The following ANKRD36C variants were observed in gnomAD, a reference collection of about 807,000 sequenced individuals.
ANKRD36C encodes ankyrin repeat domain-containing protein 36C.
Under a neutral mutation model 276.4 loss-of-function variants are expected in ANKRD36C, and 61 were observed. That is an observed-to-expected ratio of 0.22 (90% CI 0.18 to 0.27). The LOEUF is 0.27. ANKRD36C is among the 10% of genes least tolerant of loss of function. ANKRD36C has a pLI of 1.00. For synonymous variants in ANKRD36C, 483 were observed against 680.1 expected (o/e 0.71, Z 4.51); for missense variants, 1,447 against 2,032.3 (o/e 0.71, Z 5.54).
chr2:95,861,688 C>G (rs2442205), intron 60 of ANKRD36C, among the ~76,000 whole-genome samples: 5 of 151,942 alleles, frequency 3.3e-5, no homozygotes, highest in Admixed American at 6.6e-5. Context: ...AAGGGGAACA[C>G]AGAACAGTTG....
At chr2:95,989,130 G>A (rs1372000723) in intron 1 of ANKRD36C, among the ~76,000 whole-genome samples, 1 of 152,134 alleles carries the variant, frequency 6.6e-6, no homozygotes, top group Non-Finnish European at 1.5e-5. Flanking sequence ...TCATGCCACT[G>A]CACTCCAGGC....
chr2:95,902,138 G>A (rs1324018887), intron 42 of ANKRD36C, among the ~76,000 whole-genome samples: 64 of 148,622 alleles, frequency 4.3e-4, no homozygotes, highest in African/African-American at 1.3e-3. Flanking sequence ...TCCTTGAACA[G>A]GGAAGCAAAT....
At chr2:95,971,008 T>G (rs1232185576) in intron 6 of ANKRD36C, among the ~76,000 whole-genome samples, 1 of 152,046 alleles carries the variant, frequency 6.6e-6, no homozygotes, top group African/African-American at 2.4e-5. Context: ...AAATCCTACA[T>G]TAATAAACTA....
At position 95,902,650 on chromosome 2, in the gene ANKRD36C, G is replaced by C. The variant is rs571988995; in HGVS notation, c.2654-3314C>G. The stretch of plus-strand genomic sequence containing the variant: ...CCCAGAGCCCCTTATGCCTTGAACT[G>C]CTCTCCATATTTCTTCTTCCCAATT... On this transcript the variant is annotated intron_variant, in intron 42 of 66. Coordinates refer to ENST00000456556, the Ensembl canonical transcript of ANKRD36C. Among the ~76,000 whole-genome samples the C allele has an allele frequency of 7.8e-4, 117 of 150,188 alleles. 1 individual carries two copies. Among genetic ancestry groups the C allele is most frequent in the South Asian group, 3.1e-3 (15 of 4,772 alleles).
intron 64 of ANKRD36C, chr2:95,852,695 T>C (rs1268949187): frequency 6.6e-6 from 1 of 152,528 alleles, no homozygotes; most frequent in African/African-American, 2.4e-5. Context: ...TTATTTTTTG[T>C]ATGTATGCAT....
chr2:95,910,676 C>G, intron 42 of ANKRD36C, 108 bp from the exon 45 acceptor site: 7 of 1,567,308 alleles, frequency 4.5e-6, no homozygotes, highest in Non-Finnish European at 5.2e-6. Flanking sequence ...TGTATTAGCG[C>G]AGGCTTTGAT....
intron 6 of ANKRD36C, among the ~76,000 whole-genome samples, chr2:95,970,639 G>A (rs2104520551): frequency 6.6e-6 from 1 of 152,262 alleles, no homozygotes; most frequent in East Asian, 1.9e-4. Context: ...CATTTTTCAT[G>A]ATGGAGAACC....
rs543146167 is a variant in ANKRD36C at position 95,893,759 on chromosome 2, G to A, written c.2756-1899C>T. 4.2e-5 allele frequency: 68 copies of A among 1,603,664 alleles called. 1 individual carries two copies. Among genetic ancestry groups the A allele is most frequent in the Non-Finnish European group, 5.6e-5 (66 of 1,176,882 alleles). The stretch of plus-strand genomic sequence containing the variant: ...AAAAGGGATTCATAATCACTCATAT[G>A]TAAATATGACAAAGATATCCATAGA... On this transcript the variant is annotated intron_variant, in intron 44 of 66. Transcript: ENST00000456556.
At chr2:95,983,109 G>A (rs1036258939) in intron 3 of ANKRD36C, among the ~76,000 whole-genome samples, 7 of 150,896 alleles carry the variant, frequency 4.6e-5, no homozygotes, top group African/African-American at 1.7e-4. Context: ...AGAATCTCAG[G>A]TGACAATGTC....
At chr2:95,924,407 G>T (rs1007946604) in intron 30 of ANKRD36C, among the ~76,000 whole-genome samples, 1 of 151,494 alleles carries the variant, frequency 6.6e-6, no homozygotes, top group African/African-American at 2.4e-5. Context: ...TATACAAAAT[G>T]CAATGGCTCC....
chr2:95,892,670 G>T (rs1676408948), intron 44 of ANKRD36C, among the ~76,000 whole-genome samples: 1 of 151,382 alleles, frequency 6.6e-6, no homozygotes, highest in Admixed American at 6.6e-5. Context: ...GACCATTTTA[G>T]GAGTTAATTA....
At chr2:95,986,844 T>C (rs1302106849) in exon 3 of ANKRD36C, 1 of 1,611,930 alleles carries the variant, frequency 6.2e-7, no homozygotes, top group African/African-American at 1.3e-5. Context: ...GAGCAGTCCT[T>C]CCAAAGACAT....
intron 59 of ANKRD36C, among the ~76,000 whole-genome samples, chr2:95,870,914 C>A (rs1246759996): frequency 6.6e-6 from 1 of 151,840 alleles, no homozygotes; most frequent in Non-Finnish European, 1.5e-5. Context: ...GAAAGGGTAT[C>A]AGTGATGGAA....
At chr2:95,872,504 C>T (rs1382944961) in intron 59 of ANKRD36C, among the ~76,000 whole-genome samples, 3 of 152,060 alleles carry the variant, frequency 2.0e-5, no homozygotes, top group African/African-American at 7.2e-5. Flanking sequence ...ATCTCTGGGA[C>T]ACATTCAAAG....
At chr2:95,971,713 A>C (rs929670167) in intron 6 of ANKRD36C, among the ~76,000 whole-genome samples, 2 of 152,124 alleles carry the variant, frequency 1.3e-5, no homozygotes, top group African/African-American at 4.8e-5. Flanking sequence ...TCATAATTAT[A>C]AACAGAAATT....
At chr2:95,893,849 T>G in intron 44 of ANKRD36C, 125 bp from the exon 63 acceptor site, 1 of 1,518,670 alleles carries the variant, frequency 6.6e-7, no homozygotes, top group East Asian at 2.4e-5. Context: ...TAATGGCTTC[T>G]ACTTTGTGTC....
At chr2:95,897,223 T>A (rs1676578252) in intron 44 of ANKRD36C, 47 bp downstream of exon 60, 1 of 1,346,108 alleles carries the variant, frequency 7.4e-7, no homozygotes, top group African/African-American at 1.5e-5. Flanking sequence ...AGAGAATTTC[T>A]TATCTATCTG....
intron 42 of ANKRD36C, chr2:95,902,945 T>C: frequency 7.5e-6 from 12 of 1,590,312 alleles, no homozygotes; most frequent in Non-Finnish European, 1.0e-5. Flanking sequence ...AGAATCTTTC[T>C]CGTCTCTTGT....
chr2:95,910,291 A>G (rs975822108), intron 42 of ANKRD36C, 82 bp downstream of exon 46: 4 of 1,418,760 alleles, frequency 2.8e-6, no homozygotes, highest in African/African-American at 2.9e-5. Context: ...AGCTTCGACG[A>G]GCCACCCGCT....
Sources: allele counts gnomAD v4.1 joint callset (sites outside exome capture counted in the v4.1 genomes callset), GRCh38; gene constraint gnomAD v4.1.1; transcripts MANE v1.5; gene names NCBI Gene and HGNC (gene_info 2026-07-23, HGNC 2026-07-21).